The following SORCS2 variants were observed in gnomAD, a reference collection of about 807,000 sequenced individuals.
SORCS2 encodes the protein VPS10 domain-containing receptor SorCS2.
In SORCS2, 100 loss-of-function variants were observed where a neutral mutation model predicts 141.6. The observed-to-expected ratio is 0.71, with a 90% CI of 0.60 to 0.83. The LOEUF (loss-of-function observed/expected upper bound fraction) is 0.83, where lower values mean the gene tolerates loss of function less well. Among genes scored for constraint, SORCS2 ranks in the 40% least tolerant of loss-of-function variants. The pLI, the probability that SORCS2 is intolerant of heterozygous loss-of-function variation, is 0.00. For missense variants in SORCS2, 1,646 were observed against 1,560.2 expected (o/e 1.05, Z -0.93); for synonymous variants, 789 against 676.9 (o/e 1.17, Z -2.57).
chr4:7,487,289 T>A (rs1731047351), intron 2 of SORCS2, among the ~76,000 whole-genome samples: 1 of 152,226 alleles, frequency 6.6e-6, no homozygotes, highest in Non-Finnish European at 1.5e-5. Flanking sequence ...AGCTGTCTGT[T>A]ACATTCCCTT....
Position 7,342,152 on chromosome 4 carries a change from A to G in SORCS2, c.481-54136A>G, listed in dbSNP as rs544707899. 6.5e-4 allele frequency among the ~76,000 whole-genome samples: 99 copies of G among 152,316 alleles called. No individual in the cohort carries two copies. In the South Asian group the frequency reaches 0.019, roughly 30 times the overall value. ...CGGGTATTTGGGAAAGGCCTCGCCCATTCAAGGACTGAGTGCCCACTGGGT... is the reference window on the plus strand; with the variant it reads ...CGGGTATTTGGGAAAGGCCTCGCCCGTTCAAGGACTGAGTGCCCACTGGGT... On this transcript the variant is annotated intron_variant, in intron 1 of 26. Transcript: ENST00000507866.
intron 2 of SORCS2, among the ~76,000 whole-genome samples, chr4:7,445,780 G>A (rs1004762278): frequency 5.9e-5 from 9 of 152,168 alleles, no homozygotes; most frequent in African/African-American, 2.2e-4. Flanking sequence ...GTTGCTGGGG[G>A]CTGGATACGT....
At chr4:7,443,354 C>T (rs543744054) in intron 2 of SORCS2, among the ~76,000 whole-genome samples, 13 of 152,258 alleles carry the variant, frequency 8.5e-5, no homozygotes, top group South Asian at 4.1e-4. Context: ...GGCGGGCACC[C>T]GGGTGTTTGT....
chr4:7,446,287 A>G (rs547966335), intron 2 of SORCS2, among the ~76,000 whole-genome samples: 1 of 152,260 alleles, frequency 6.6e-6, no homozygotes, highest in East Asian at 1.9e-4. Context: ...ACTCGGCCCT[A>G]TGCCCCACCC....
intron 23 of SORCS2, among the ~76,000 whole-genome samples, chr4:7,730,866 A>C (rs959253487): frequency 6.6e-6 from 1 of 152,238 alleles, no homozygotes; most frequent in Non-Finnish European, 1.5e-5. Context: ...TACACTTTAA[A>C]AGAGTAAATG....
chr4:7,630,814 C>A (rs1170095714), intron 3 of SORCS2, among the ~76,000 whole-genome samples: 1 of 152,170 alleles, frequency 6.6e-6, no homozygotes, highest in East Asian at 1.9e-4. Context: ...TGTCTGTACC[C>A]TGAGCTGGGT....
intron 26 of SORCS2, among the ~76,000 whole-genome samples, chr4:7,738,064 C>A (rs1712340875): frequency 6.6e-6 from 1 of 152,272 alleles, no homozygotes; most frequent in South Asian, 2.1e-4. Flanking sequence ...AAGTCATACG[C>A]TGTCACTTGT....
At chr4:7,451,464 G>T (rs997245359) in intron 2 of SORCS2, among the ~76,000 whole-genome samples, 1 of 152,276 alleles carries the variant, frequency 6.6e-6, no homozygotes, top group African/African-American at 2.4e-5. Flanking sequence ...CTCTTTGTCA[G>T]CCCAGTGCTG....
At chr4:7,291,105 G>A (rs1156973813) in intron 1 of SORCS2, among the ~76,000 whole-genome samples, 3 of 152,132 alleles carry the variant, frequency 2.0e-5, no homozygotes, top group African/African-American at 2.4e-5. Flanking sequence ...CATGTGCAAA[G>A]GTCCTGAGGT....
intron 3 of SORCS2, among the ~76,000 whole-genome samples, chr4:7,568,388 C>T (rs546363385): frequency 6.6e-6 from 1 of 152,316 alleles, no homozygotes; most frequent in East Asian, 1.9e-4. Context: ...AAATGGTACA[C>T]ATAAATCAAA....
intron 1 of SORCS2, among the ~76,000 whole-genome samples, chr4:7,323,791 A>G (rs1337732909): frequency 6.6e-6 from 1 of 151,964 alleles, no homozygotes; most frequent in Non-Finnish European, 1.5e-5. Context: ...CCCCCGAGAA[A>G]TGGGAACAGA....
chr4:7,302,744 C>A (rs552792992), intron 1 of SORCS2, among the ~76,000 whole-genome samples: 8 of 134,850 alleles, frequency 5.9e-5, no homozygotes, highest in Non-Finnish European at 1.1e-4. Context: ...AGAGCAGTGT[C>A]CGGCATCTAG....
intron 20 of SORCS2, among the ~76,000 whole-genome samples, chr4:7,725,652 CAGA>C (rs911824343): frequency 2.0e-5 from 3 of 152,218 alleles, no homozygotes; most frequent in Non-Finnish European, 2.9e-5. Flanking sequence ...GAAGGCTTTA[CAGA>C]AGAAGAGGTC....
At chr4:7,481,322 G>A (rs1165466522) in intron 2 of SORCS2, among the ~76,000 whole-genome samples, 3 of 152,252 alleles carry the variant, frequency 2.0e-5, no homozygotes, top group Admixed American at 6.5e-5. Context: ...GCACAGCCCC[G>A]GGAGGGAGCT....
At chr4:7,304,068 G>A (rs1717623957) in intron 1 of SORCS2, among the ~76,000 whole-genome samples, 1 of 152,218 alleles carries the variant, frequency 6.6e-6, no homozygotes, top group Non-Finnish European at 1.5e-5. Context: ...ACACCTTCAC[G>A]TCATTCATTT....
chr4:7,463,771 G>T (rs907240217), intron 2 of SORCS2, among the ~76,000 whole-genome samples: 1 of 152,186 alleles, frequency 6.6e-6, no homozygotes, highest in African/African-American at 2.4e-5. Flanking sequence ...CATACTAACG[G>T]CCCTGATTAG....
chr4:7,343,152 C>T (rs1358544018), intron 1 of SORCS2, among the ~76,000 whole-genome samples: 3 of 152,240 alleles, frequency 2.0e-5, no homozygotes, highest in East Asian at 1.9e-4. Context: ...TCCTGGTCCT[C>T]CTGTCTGCAA....
intron 3 of SORCS2, among the ~76,000 whole-genome samples, chr4:7,540,972 G>T (rs550967383): frequency 1.3e-5 from 2 of 152,346 alleles, no homozygotes; most frequent in South Asian, 4.1e-4. Flanking sequence ...CAGTGCGTGA[G>T]GCATGGGGGT....
At position 7,713,039 on chromosome 4, in the gene SORCS2, T is replaced by A. The variant is rs76496608; in HGVS notation, c.1989+186T>A. On this transcript the variant is annotated intron_variant, in intron 15 of 26. Coordinates refer to ENST00000507866, the MANE Select transcript of SORCS2 (RefSeq NM_020777.3). ...GTGGGCTTTTCCAGACCCTTCTCGG[T>A]CATGGAGCTACCTGGGCTGAGGGTC... is the stretch of plus-strand genomic sequence containing the variant. Among the ~76,000 whole-genome samples, 84 of 152,104 alleles carry A rather than the reference T, an allele frequency of 5.5e-4. No homozygotes were observed. The East Asian group carries it at 0.013, about 23-fold the overall frequency.
Sources: allele counts gnomAD v4.1 joint callset (sites outside exome capture counted in the v4.1 genomes callset), GRCh38; gene constraint gnomAD v4.1.1; transcripts MANE v1.5; gene names NCBI Gene and HGNC (gene_info 2026-07-23, HGNC 2026-07-21).